Variants in DACH2 observed in about 807,000 individuals in gnomAD.
DACH2 encodes dachshund family transcription factor 2.
Under a neutral mutation model 35.8 loss-of-function variants are expected in DACH2, and 17 were observed. That is an observed-to-expected ratio of 0.48 (90% confidence interval 0.33 to 0.71). DACH2 has a LOEUF of 0.71. Among genes scored for constraint, DACH2 ranks in the 30% least tolerant of loss-of-function variants. DACH2 has a pLI of 0.02. For missense variants in DACH2, 469 were observed against 472.7 expected, an observed-to-expected ratio of 0.99 and a Z score of 0.07; for synonymous variants, 195 against 177.3, an observed-to-expected ratio of 1.10 and a Z score of -0.79.
At chrX:86,695,759 C>A (rs1602800977) in intron 5 of DACH2, among the ~76,000 whole-genome samples, 1 of 109,922 alleles carries the variant, frequency 9.1e-6, no homozygotes, top group South Asian at 3.9e-4. Flanking sequence ...GTGATCCACT[C>A]GCCTAGGCCT....
At chrX:86,440,841 C>T (rs1406634794) in intron 2 of DACH2, among the ~76,000 whole-genome samples, 2 of 111,256 alleles carry the variant, frequency 1.8e-5, no homozygotes, top group African/African-American at 6.5e-5. Context: ...AAAATCTTGT[C>T]TTCCAGCTAT....
chrX:86,739,345 A>G (rs1459023564), intron 6 of DACH2, among the ~76,000 whole-genome samples: 1 of 108,783 alleles, frequency 9.2e-6, no homozygotes, highest in Non-Finnish European at 1.9e-5. Flanking sequence ...AAGTCTTTAC[A>G]TTTGGGAGTT....
At chrX:86,414,230 T>C (rs2036662853) in intron 2 of DACH2, among the ~76,000 whole-genome samples, 1 of 111,366 alleles carries the variant, frequency 9.0e-6, no homozygotes, top group Admixed American at 9.6e-5. Flanking sequence ...CCATTCGACC[T>C]AGAAATTTTC....
intron 1 of DACH2, among the ~76,000 whole-genome samples, chrX:86,194,780 A>G (rs765243528): frequency 5.0e-4 from 56 of 112,537 alleles, no homozygotes; most frequent in South Asian, 1.1e-3. Context: ...AGGGATGGCC[A>G]CCCGCTAAGC....
intron 2 of DACH2, among the ~76,000 whole-genome samples, chrX:86,450,500 C>G (rs1299055374): frequency 1.8e-5 from 2 of 111,098 alleles, no homozygotes; most frequent in Non-Finnish European, 3.8e-5. Flanking sequence ...GATTCCATGT[C>G]TTTGCTATTG....
intron 1 of DACH2, among the ~76,000 whole-genome samples, chrX:86,339,460 C>T (rs781193966): frequency 9.0e-6 from 1 of 111,711 alleles, no homozygotes; most frequent in African/African-American, 3.2e-5. Flanking sequence ...ACAAACACAT[C>T]CCTTACTATG....
intron 2 of DACH2, among the ~76,000 whole-genome samples, chrX:86,508,679 A>G (rs978938917): frequency 8.9e-6 from 1 of 112,348 alleles, no homozygotes; most frequent in Non-Finnish European, 1.9e-5. Context: ...TTTATGTTAT[A>G]AAATCATTGT....
At chrX:86,259,921 A>G (rs766682511) in intron 1 of DACH2, among the ~76,000 whole-genome samples, 16 of 111,501 alleles carry the variant, frequency 1.4e-4, no homozygotes, top group African/African-American at 5.2e-4. Context: ...AATGCCAAAC[A>G]TAGACTGCAA....
At chrX:86,403,160 C>A (rs1357874827) in intron 2 of DACH2, among the ~76,000 whole-genome samples, 1 of 112,185 alleles carries the variant, frequency 8.9e-6, no homozygotes, top group Non-Finnish European at 1.9e-5. Context: ...AAAGCCATTG[C>A]AACACAAACA....
At chrX:86,699,907 G>A (rs1220077481) in intron 5 of DACH2, among the ~76,000 whole-genome samples, 1 of 111,173 alleles carries the variant, frequency 9.0e-6, no homozygotes, top group Non-Finnish European at 1.9e-5. Flanking sequence ...ACTATCTTTG[G>A]TCTCATTAGT....
chrX:86,738,561 C>T (rs1046593998), intron 6 of DACH2, among the ~76,000 whole-genome samples: 1 of 111,407 alleles, frequency 9.0e-6, no homozygotes, highest in African/African-American at 3.3e-5. Context: ...GTTTATCACC[C>T]AGTCACATTT....
chrX:86,426,533 C>A (rs1009499272), intron 2 of DACH2, among the ~76,000 whole-genome samples: 4 of 111,834 alleles, frequency 3.6e-5, no homozygotes, highest in Non-Finnish European at 7.6e-5. Flanking sequence ...TAACCCTAAA[C>A]AATTTTGCTA....
At chrX:86,305,129 G>T (rs2034657173) in intron 1 of DACH2, 3 of 137,200 alleles carry the variant, frequency 2.2e-5, no homozygotes, top group Middle Eastern at 2.2e-3. Flanking sequence ...CTTTCTGACA[G>T]AGTCACCAGC....
At chrX:86,514,419 A>G (rs1449955588) in intron 3 of DACH2, 28 bp downstream of exon 3, 2 of 1,154,555 alleles carry the variant, frequency 1.7e-6, no homozygotes, top group South Asian at 3.8e-5. Context: ...ATGATCAGCC[A>G]TGTCTCTTCG....
At chrX:86,219,883 C>T (rs961588278) in intron 1 of DACH2, among the ~76,000 whole-genome samples, 34 of 107,869 alleles carry the variant, frequency 3.2e-4, no homozygotes, top group African/African-American at 1.1e-3. Context: ...TGGCCGGGAG[C>T]GGTGGCTCAC....
At chrX:86,259,475 T>A (rs1395939390) in intron 1 of DACH2, among the ~76,000 whole-genome samples, 2 of 111,803 alleles carry the variant, frequency 1.8e-5, no homozygotes, top group Non-Finnish European at 3.8e-5. Flanking sequence ...ATCACTATAG[T>A]AGCAGAGAAG....
At chrX:86,777,349 AT>A (rs1297785198) in intron 7 of DACH2, among the ~76,000 whole-genome samples, 1 of 111,013 alleles carries the variant, frequency 9.0e-6, no homozygotes. Context: ...GATGATGAGC[AT>A]TTTTTCATGT....
intron 2 of DACH2, among the ~76,000 whole-genome samples, chrX:86,497,419 C>A (rs1188618204): frequency 9.0e-6 from 1 of 111,646 alleles, no homozygotes; most frequent in Non-Finnish European, 1.9e-5. Context: ...GTATCATGGG[C>A]ATAATGAAGA....
At chrX:86,408,948 G>T (rs146926847) in intron 2 of DACH2, among the ~76,000 whole-genome samples, 7,779 of 111,428 alleles carry the variant, frequency 0.07, 696 homozygotes, top group African/African-American at 0.24. Context: ...TAGAGTAAAA[G>T]AAATGGACAA....
Sources: allele counts gnomAD v4.1 joint callset (sites outside exome capture counted in the v4.1 genomes callset), GRCh38; gene constraint gnomAD v4.1.1; transcripts MANE v1.5; gene names NCBI Gene and HGNC (gene_info 2026-07-23, HGNC 2026-07-21).